Variants in POMGNT2 observed in about 807,000 individuals in gnomAD.
POMGNT2 encodes the protein protein O-linked mannose N-acetylglucosaminyltransferase 2 (beta 1,4-), also known as protein O-linked-mannose beta-1,4-N-acetylglucosaminyltransferase 2.
POMGNT2 carries 32 observed loss-of-function variants against 37.8 expected under a neutral mutation model. The ratio of observed to expected loss-of-function variants is 0.85; its 90% CI spans 0.64 to 1.14. The LOEUF is 1.14. Ranked by LOEUF, POMGNT2 falls within the 50% of genes most tolerant of loss-of-function variation. The pLI is 0.00. For missense variants in POMGNT2, 705 were observed against 780.6 expected (o/e 0.90, Z 1.15); for synonymous variants, 340 against 336.8 (o/e 1.01, Z -0.10).
At chr3:43,085,816 G>C (rs764655464) in intron 1 of POMGNT2, among the ~76,000 whole-genome samples, 8 of 151,810 alleles carry the variant, frequency 5.3e-5, no homozygotes, top group Non-Finnish European at 1.0e-4. Context: ...TTTGACAAAA[G>C]AGACCAAGCT....
Position 43,105,872 on chromosome 3 carries a change from C to A in POMGNT2, c.-142G>T, listed in dbSNP as rs559972464. On this transcript the variant is annotated 5_prime_UTR_variant, in exon 1 of 2. Transcript: ENST00000344697. ...ACTCCGCGGGACGAAGCCACCTCCG[C>A]CGACGCGTCCAGGAGGCCCCACGGC... is the stretch of plus-strand genomic sequence containing the variant. The A allele has an allele frequency of 6.6e-6, 1 of 152,040 alleles. No homozygotes were observed. The highest frequency in any genetic ancestry group is 1.5e-5 in the Non-Finnish European group (1 of 67,938). The allele number at this position is 152,040 out of a possible 1,614,324, so 9.4% of individuals were successfully genotyped here. A position where few individuals can be genotyped will look rare whatever the true frequency, so the allele number is the denominator to read the frequency against.
intron 1 of POMGNT2, among the ~76,000 whole-genome samples, chr3:43,084,281 T>G (rs1413899958): frequency 6.6e-6 from 1 of 152,104 alleles, no homozygotes; most frequent in Non-Finnish European, 1.5e-5. Context: ...AGCCATTATT[T>G]CCTTGAAAAC....
intron 1 of POMGNT2, among the ~76,000 whole-genome samples, chr3:43,085,102 A>C (rs985395807): frequency 1.1e-4 from 16 of 151,962 alleles, no homozygotes; most frequent in African/African-American, 3.9e-4. Flanking sequence ...CTCAGCACAG[A>C]GTGTGTGTCA....
chr3:43,079,889 G>A lies in POMGNT2; in HGVS notation c.1543C>T (p.Leu515=). The change falls in exon 2 of 2, where the codon CTG becomes TTG. Residue 515 remains leucine, a synonymous_variant. Transcript: ENST00000344697. ...SWQIPWNLKY[L]KVREVKYEVW... ...TCGTACTTCACCTCCCTCACCTTCAGGTATTTAAGGTTCCATGGGATCTGC... is the reference window on the plus strand; with the variant it reads ...TCGTACTTCACCTCCCTCACCTTCAAGTATTTAAGGTTCCATGGGATCTGC... 6.2e-7 allele frequency: 1 copy of A among 1,614,170 alleles called. No individual in the cohort carries two copies. Among genetic ancestry groups the A allele is most frequent in the South Asian group, 1.1e-5 (1 of 91,078 alleles).
At chr3:43,105,288 C>T (rs1208365460) in intron 1 of POMGNT2, among the ~76,000 whole-genome samples, 1 of 152,168 alleles carries the variant, frequency 6.6e-6, no homozygotes, top group Non-Finnish European at 1.5e-5. Flanking sequence ...CCAAGCAGGC[C>T]GTGGCAAGCT....
intron 1 of POMGNT2, among the ~76,000 whole-genome samples, chr3:43,092,241 GTTATT>G (rs2089949374): frequency 6.6e-6 from 1 of 152,114 alleles, no homozygotes. Flanking sequence ...AAATAAAAAA[GTTATT>G]TTAAATTATC....
intron 1 of POMGNT2, among the ~76,000 whole-genome samples, chr3:43,103,730 G>A (rs1298075901): frequency 6.6e-6 from 1 of 152,206 alleles, no homozygotes; most frequent in East Asian, 1.9e-4. Context: ...ATGGGCAGCA[G>A]AGAAGGAGAA....
Position 43,080,735 on chromosome 3 carries a change from A to C in POMGNT2, c.697T>G (p.Phe233Val), listed in dbSNP as rs2089844009. Residue 233 changes from phenylalanine (F) to valine (V), a missense_variant, in exon 2 of 2, where the codon TTT (phenylalanine) becomes GTT (valine). Coordinates refer to ENST00000344697, the MANE Select transcript of POMGNT2 (RefSeq NM_032806.6). ...GTAGTGATCTTGGAGAGGCCCACAA[A>C]AGCATGGGAGAAGCACAGCAGCCGG... Reference protein sequence around the residue: ...LGRLLCFSHAFVGLSKITTWY... With the variant: ...LGRLLCFSHAVVGLSKITTWY... 1 of 1,614,090 alleles carries C rather than the reference A, an allele frequency of 6.2e-7. No homozygotes were observed. The highest frequency in any genetic ancestry group is 2.2e-5 in the East Asian group (1 of 44,870).
chr3:43,089,710 C>T (rs2089927400), intron 1 of POMGNT2, among the ~76,000 whole-genome samples: 1 of 152,132 alleles, frequency 6.6e-6, no homozygotes, highest in Admixed American at 6.5e-5. Flanking sequence ...GAGCATGTTC[C>T]TGATGGCAAT....
intron 1 of POMGNT2, among the ~76,000 whole-genome samples, chr3:43,104,615 G>A (rs2125713744): frequency 6.6e-6 from 1 of 152,360 alleles, no homozygotes; most frequent in South Asian, 2.1e-4. Flanking sequence ...CAGGGACTGA[G>A]ATTCCTCAAA....
intron 1 of POMGNT2, among the ~76,000 whole-genome samples, chr3:43,088,328 C>A (rs1341781330): frequency 1.3e-5 from 2 of 152,192 alleles, no homozygotes; most frequent in Admixed American, 6.5e-5. Flanking sequence ...TGGAGACAGA[C>A]CAGACAGTGA....
chr3:43,082,411 TC>T (rs2089864017), intron 1 of POMGNT2, among the ~76,000 whole-genome samples: 1 of 152,192 alleles, frequency 6.6e-6, no homozygotes, highest in Admixed American at 6.5e-5. Flanking sequence ...ACTTGTCCCC[TC>T]AGTGGTAAGA....
chr3:43,087,747 AG>A (rs2089909581), intron 1 of POMGNT2: 1 of 152,234 alleles, frequency 6.6e-6, no homozygotes, highest in African/African-American at 2.4e-5. Flanking sequence ...CTGATCAATC[AG>A]TAGCTATCAC....
chr3:43,106,051 G>C lies in POMGNT2; in HGVS notation c.-321C>G, dbSNP rs985577699. On this transcript the variant is annotated 5_prime_UTR_variant, in exon 1 of 2. Coordinates refer to ENST00000344697, the MANE Select transcript of POMGNT2 (RefSeq NM_032806.6). ...GCAGGTGTCCGCCGTGCGCCTGCCCGGCGGGCGAGCCCGGCGCGGAGCCTG... is the reference window on the plus strand; with the variant it reads ...GCAGGTGTCCGCCGTGCGCCTGCCCCGCGGGCGAGCCCGGCGCGGAGCCTG... 7 of 151,572 alleles carry C rather than the reference G, an allele frequency of 4.6e-5. No individual in the cohort carries two copies. The highest frequency in any genetic ancestry group is 1.7e-4 in the African/African-American group (7 of 41,324). 9.4% of individuals were successfully genotyped at this position (151,572 alleles called of 1,614,324 possible). A position where few individuals can be genotyped will look rare whatever the true frequency, so the allele number is the denominator to read the frequency against.
chr3:43,101,204 T>C (rs547582863), intron 1 of POMGNT2, among the ~76,000 whole-genome samples: 22 of 152,338 alleles, frequency 1.4e-4, no homozygotes, highest in Admixed American at 7.8e-4. Context: ...TGATTCCCAT[T>C]CTGTCCTGCC....
At chr3:43,102,643 A>T (rs1300376727) in intron 1 of POMGNT2, among the ~76,000 whole-genome samples, 1 of 152,182 alleles carries the variant, frequency 6.6e-6, no homozygotes, top group African/African-American at 2.4e-5. Flanking sequence ...CTCACCCTCC[A>T]ATGCAGTACC....
At chr3:43,087,171 A>G (rs2089904049) in intron 1 of POMGNT2, among the ~76,000 whole-genome samples, 1 of 152,216 alleles carries the variant, frequency 6.6e-6, no homozygotes, top group African/African-American at 2.4e-5. Context: ...TGACACCTCA[A>G]TCTTAGACTT....
chr3:43,105,065 C>A (rs892618158), intron 1 of POMGNT2, among the ~76,000 whole-genome samples: 1 of 152,214 alleles, frequency 6.6e-6, no homozygotes, highest in African/African-American at 2.4e-5. Flanking sequence ...CTTTTCCACG[C>A]GGAGCCTTGC....
At chr3:43,094,740 C>G (rs2089967368) in intron 1 of POMGNT2, among the ~76,000 whole-genome samples, 1 of 152,246 alleles carries the variant, frequency 6.6e-6, no homozygotes, top group Non-Finnish European at 1.5e-5. Context: ...CCTGGCTCTG[C>G]TGAAATGTGC....
Sources: allele counts gnomAD v4.1 joint callset (sites outside exome capture counted in the v4.1 genomes callset), GRCh38; gene constraint gnomAD v4.1.1; transcripts MANE v1.5; gene names NCBI Gene and HGNC (gene_info 2026-07-23, HGNC 2026-07-21).